CEMIP: variants seen among roughly 807,000 people sequenced by gnomAD.
CEMIP encodes cell migration inducing hyaluronidase 1, also known as cell migration-inducing and hyaluronan-binding protein.
In CEMIP, 105 loss-of-function variants were observed where a neutral mutation model predicts 156.9. The ratio of observed to expected loss-of-function variants is 0.67; its 90% CI spans 0.57 to 0.79. The LOEUF (loss-of-function observed/expected upper bound fraction) is 0.79, where lower values mean the gene tolerates loss of function less well. Among genes scored for constraint, CEMIP ranks in the 30% least tolerant of loss-of-function variants. The pLI is 0.00. For missense variants in CEMIP, 1,457 were observed against 1,769.4 expected (o/e 0.82, Z 3.17); for synonymous variants, 676 against 668.4 (o/e 1.01, Z -0.17).
chr15:80,886,944 A>T (rs1213973597), intron 7 of CEMIP, among the ~76,000 whole-genome samples: 2 of 152,234 alleles, frequency 1.3e-5, no homozygotes, highest in Non-Finnish European at 2.9e-5. Flanking sequence ...GGAAAGTCAG[A>T]AACTCCTTCC....
rs550537392 is a variant in CEMIP at position 80,932,598 on chromosome 15, T to C, written c.2793+559T>C. 1.3e-5 allele frequency among the ~76,000 whole-genome samples: 2 copies of C among 152,322 alleles called. No individual in the cohort carries two copies. The highest frequency in any genetic ancestry group is 1.9e-4 in the East Asian group (1 of 5,182). On this transcript the variant is annotated intron_variant, in intron 22 of 29. Transcript: ENST00000394685. This position sits in a 1 kb window ranked among gnomAD's most constrained non-coding sequence, Gnocchi z 4.5. ...CCTCCTGTGCATTTCCTTCAGGTTA[T>C]GGATTCCCAGACTTTTCCCTCCTTC...
intron 1 of CEMIP, among the ~76,000 whole-genome samples, chr15:80,846,895 T>A (rs542410133): frequency 6.6e-6 from 1 of 152,360 alleles, no homozygotes; most frequent in East Asian, 1.9e-4. Flanking sequence ...ATTTCCTGGC[T>A]GTGCACTGGA....
rs187237429 is a variant in CEMIP at position 80,850,338 on chromosome 15, G to A, written c.-175-23200G>A. Among the ~76,000 whole-genome samples the A allele has an allele frequency of 9.2e-5, 14 of 152,198 alleles. No individual in the cohort carries two copies. The South Asian group carries it at 2.7e-3, about 29-fold the overall frequency. On this transcript the variant is annotated intron_variant, in intron 1 of 29. Transcript: ENST00000394685. ...GTCGCCTAGGCTGGAGTGCAGTAGCGCAATCTCAGTTCAATGCAACCTTCA... is the reference window on the plus strand; with the variant it reads ...GTCGCCTAGGCTGGAGTGCAGTAGCACAATCTCAGTTCAATGCAACCTTCA...
chr15:80,877,100 C>T lies in CEMIP; in HGVS notation c.95-1621C>T, dbSNP rs554694142. Among the ~76,000 whole-genome samples, 5 of 152,222 alleles carry T rather than the reference C, an allele frequency of 3.3e-5. No homozygotes were observed. In the East Asian group the frequency reaches 5.8e-4, roughly 18 times the overall value. On this transcript the variant is annotated intron_variant, in intron 3 of 29. Coordinates refer to ENST00000394685, the MANE Select transcript of CEMIP (RefSeq NM_001293298.2). ...GATAAAACCATCAGATTTCCTGAGA[C>T]GTATTCACCACCATGAGAACACTAT... is the stretch of plus-strand genomic sequence containing the variant.
intron 8 of CEMIP, 56 bp downstream of exon 8, chr15:80,887,820 G>C: frequency 7.2e-7 from 1 of 1,391,858 alleles, no homozygotes; most frequent in South Asian, 1.2e-5. Context: ...TGATCAAGAG[G>C]TGCAGGGCTT....
chr15:80,932,171 G>A lies in CEMIP; in HGVS notation c.2793+132G>A. On this transcript the variant is annotated intron_variant, in intron 22 of 29. Coordinates refer to ENST00000394685, the MANE Select transcript of CEMIP (RefSeq NM_001293298.2). The surrounding 1 kb of genome is among the most constrained non-coding windows in gnomAD (Gnocchi z 4.5). ...GAGAAGCCTCCTCCAACTAGGCTGG[G>A]CCATGTCCCAGTTTGCTCTTCATCC... 1 of 1,036,740 alleles carries A rather than the reference G, an allele frequency of 9.6e-7. No individual in the cohort carries two copies. Among genetic ancestry groups the A allele is most frequent in the Non-Finnish European group, 1.5e-6 (1 of 684,208 alleles). The allele number at this position is 1,036,740 out of a possible 1,614,324, so 64.2% of individuals were successfully genotyped here.
At chr15:80,863,789 A>G (rs760360762) in intron 1 of CEMIP, among the ~76,000 whole-genome samples, 1 of 152,114 alleles carries the variant, frequency 6.6e-6, no homozygotes, top group Non-Finnish European at 1.5e-5. Flanking sequence ...CTGCATTTCC[A>G]TCACCCCTTC....
At chr15:80,909,866 T>C in intron 14 of CEMIP, 1 of 343,812 alleles carries the variant, frequency 2.9e-6, no homozygotes, top group Non-Finnish European at 5.7e-6. Context: ...ACTACATTTC[T>C]ATCCTCTGTA....
chr15:80,840,419 A>G (rs1186415722), intron 1 of CEMIP, among the ~76,000 whole-genome samples: 2 of 152,082 alleles, frequency 1.3e-5, no homozygotes, highest in Non-Finnish European at 2.9e-5. Flanking sequence ...CGGCTGGCCC[A>G]CGGGTAATGC....
intron 6 of CEMIP, 57 bp downstream of exon 6, chr15:80,881,193 T>C: frequency 6.7e-7 from 1 of 1,486,600 alleles, no homozygotes. Flanking sequence ...ACTTATTGAG[T>C]GTGCTCCCTG....
intron 18 of CEMIP, among the ~76,000 whole-genome samples, chr15:80,925,414 C>A (rs1165690122): frequency 1.3e-5 from 2 of 152,192 alleles, no homozygotes; most frequent in African/African-American, 4.8e-5. Flanking sequence ...ATGTGAGGAG[C>A]CTGCATGGGC....
At chr15:80,937,701 G>A in intron 24 of CEMIP, 93 bp from the exon 25 acceptor site, 2 of 1,151,778 alleles carry the variant, frequency 1.7e-6, no homozygotes, top group Admixed American at 3.6e-5. Context: ...GTCATTTGGT[G>A]GAGATTTTTT....
At chr15:80,941,417 G>C (rs983632767) in intron 25 of CEMIP, among the ~76,000 whole-genome samples, 4 of 152,084 alleles carry the variant, frequency 2.6e-5, no homozygotes, top group African/African-American at 9.7e-5. Flanking sequence ...GGAAGACAGA[G>C]CATCTCCTCA....
rs2141924677 is a variant in CEMIP, at chr15:80,921,993, T to C, written c.2074-16T>C. On this transcript the variant is annotated splice_polypyrimidine_tract_variant and intron_variant, in intron 16 of 29. Coordinates refer to ENST00000394685, the MANE Select transcript of CEMIP (RefSeq NM_001293298.2). ...GCTGAACGCTGTGGCTTTTCCCTTG[T>C]GTCCTTCCCCAACAGGAAACTGGAT... 1 of 1,614,058 alleles carries C rather than the reference T, an allele frequency of 6.2e-7. No homozygotes were observed. Among genetic ancestry groups the C allele is most frequent in the East Asian group, 2.2e-5 (1 of 44,888 alleles).
At chr15:80,866,629 AAAT>A (rs1401745416) in intron 1 of CEMIP, among the ~76,000 whole-genome samples, 57 of 142,824 alleles carry the variant, frequency 4.0e-4, no homozygotes, top group African/African-American at 1.4e-3. Context: ...ATAAATAAAT[AAAT>A]AAAATAAGCC....
chr15:80,871,905 T>A (rs988401672), intron 1 of CEMIP, among the ~76,000 whole-genome samples: 7 of 152,136 alleles, frequency 4.6e-5, no homozygotes, highest in African/African-American at 1.7e-4. Context: ...GCAATCTGGC[T>A]GAAGTGACTA....
At chr15:80,919,967 T>G (rs1197594369) in intron 14 of CEMIP, 127 bp from the exon 15 acceptor site, 4 of 879,952 alleles carry the variant, frequency 4.5e-6, no homozygotes, top group Non-Finnish European at 1.9e-6. Flanking sequence ...AATGAGCACA[T>G]GAGACTATTT....
At position 80,858,608 on chromosome 15, in the gene CEMIP, C is replaced by T. The variant is rs187886850; in HGVS notation, c.-175-14930C>T. ...GGTGTGGTGGCACATGCCTGTAATA[C>T]CAGCTACTCAGGAGGCTGAGGCAGG... On this transcript the variant is annotated intron_variant, in intron 1 of 29. Transcript: ENST00000394685. 6.9e-4 allele frequency among the ~76,000 whole-genome samples: 104 copies of T among 151,650 alleles called. No homozygotes were observed. In the East Asian group the frequency reaches 0.013, roughly 18 times the overall value.
rs1366887219 is a variant in CEMIP at position 80,920,145 on chromosome 15, G to T, written c.1849G>T (p.Asp617Tyr). 6.2e-7 allele frequency: 1 copy of T among 1,614,238 alleles called. No homozygotes were observed. Among genetic ancestry groups the T allele is most frequent in the African/African-American group, 1.3e-5 (1 of 75,062 alleles). ...TTTGGGCCACTGCTTCTTCACGGAA[G>T]ATGGGCCGGAGGAACGCAACACTTT... ...NSLGHCFFTE[D>Y]GPEERNTFDH... The change falls in exon 15 of 30, where the codon GAT becomes TAT. Residue 617 changes from aspartate to tyrosine, a missense_variant. Coordinates refer to ENST00000394685, the MANE Select transcript of CEMIP (RefSeq NM_001293298.2).
Sources: gnomAD v4.1 joint callset for allele counts (sites outside exome capture counted in the v4.1 genomes callset) on GRCh38, gnomAD v4.1.1 for gene constraint, Gnocchi (gnomAD v3.1) non-coding constraint, MANE v1.5 for transcripts, NCBI Gene and HGNC (gene_info 2026-07-23, HGNC 2026-07-21) for gene names.